Variants in CTSB observed in about 807,000 individuals in gnomAD.
The protein encoded by CTSB is APP secretase.
A neutral mutation model predicts 44.3 loss-of-function variants in CTSB; 57 were observed. The observed-to-expected ratio is 1.29, with a 90% CI of 1.04 to 1.60. The LOEUF is 1.60. CTSB is among the 40% of genes most tolerant of loss of function. The pLI, the probability that CTSB is intolerant of heterozygous loss-of-function variation, is 0.00. For missense variants in CTSB, 768 were observed against 443.0 expected, an observed-to-expected ratio of 1.73 and a Z score of -6.59; for synonymous variants, 320 against 168.0, an observed-to-expected ratio of 1.91 and a Z score of -7.00.
At chr8:11,866,124 A>G (rs74579126) in intron 1 of CTSB, among the ~76,000 whole-genome samples, 1,792 of 152,226 alleles carry the variant, frequency 0.012, 46 homozygotes, top group African/African-American at 0.041. Context: ...TCACTTCCCA[A>G]TCCAACCAAG....
intron 8 of CTSB, 22 bp from the exon 9 acceptor site, chr8:11,845,811 G>A (rs756248446): frequency 1.6e-5 from 25 of 1,598,062 alleles, no homozygotes; most frequent in South Asian, 1.4e-4. Flanking sequence ...AGAACTGGCT[G>A]AGACCGAGAC....
Position 11,842,631 on chromosome 8 carries a change from TTC to T in CTSB, c.*2492_*2493del, listed in dbSNP as rs1812447455. The T allele has an allele frequency of 1.3e-5, 2 of 152,000 alleles. No homozygotes were observed. The highest frequency in any genetic ancestry group is 6.6e-5 in the Admixed American group (1 of 15,256). The allele number at this position is 152,000 out of a possible 1,614,324, so 9.4% of individuals were successfully genotyped here. A position where few individuals can be genotyped will look rare whatever the true frequency, so the allele number is the denominator to read the frequency against. ...TTATGGTAACCTTTGTTAAGCATCT[TTC>T]TTTTTCTTTTTTTTTTTGGTGAGAC... On this transcript the variant is annotated 3_prime_UTR_variant, in exon 10 of 10. Transcript: ENST00000353047.
At chr8:11,862,339 G>C (rs1816559719) in intron 1 of CTSB, 1 of 152,142 alleles carries the variant, frequency 6.6e-6, no homozygotes, top group African/African-American at 2.4e-5. Context: ...TTTTGAAAGT[G>C]CCTACCCTGC....
intron 6 of CTSB, 102 bp downstream of exon 6, chr8:11,847,965 C>T (rs1813759064): frequency 2.3e-6 from 3 of 1,328,670 alleles, no homozygotes; most frequent in East Asian, 2.3e-5. Context: ...TCTCAGCAGC[C>T]CCTCTGTCTC....
intron 1 of CTSB, among the ~76,000 whole-genome samples, chr8:11,858,157 TG>T (rs1815828445): frequency 6.6e-6 from 1 of 152,218 alleles, no homozygotes; most frequent in Admixed American, 6.5e-5. Context: ...TGGCATGCAG[TG>T]ATAAGGTAGG....
chr8:11,862,698 C>T (rs886890072), intron 1 of CTSB, among the ~76,000 whole-genome samples: 4 of 152,236 alleles, frequency 2.6e-5, no homozygotes, highest in African/African-American at 9.6e-5. Context: ...GCACCGCCCT[C>T]CTGGGACTTG....
intron 1 of CTSB, among the ~76,000 whole-genome samples, chr8:11,866,742 C>T (rs1360673133): frequency 6.6e-6 from 1 of 152,182 alleles, no homozygotes; most frequent in African/African-American, 2.4e-5. Context: ...CACCTGTAAT[C>T]CCAGCTACTC....
chr8:11,855,430 G>T (rs1253611447), intron 1 of CTSB, among the ~76,000 whole-genome samples: 1 of 152,256 alleles, frequency 6.6e-6, no homozygotes, highest in East Asian at 1.9e-4. Flanking sequence ...GCCAAGGCAA[G>T]TGGATCACTT....
intron 8 of CTSB, 112 bp from the exon 9 acceptor site, chr8:11,845,901 G>T (rs936131731): frequency 5.3e-6 from 7 of 1,328,220 alleles, no homozygotes; most frequent in Non-Finnish European, 5.0e-6. Context: ...CTTCCAGAGG[G>T]AACCTGCTGC....
rs529471007 is a variant in CTSB at position 11,849,502 on chromosome 8, G to T, written c.328-338C>A. 7 of 181,308 alleles carry T rather than the reference G, an allele frequency of 3.9e-5. No individual in the cohort carries two copies. In the East Asian group the frequency reaches 6.6e-4, roughly 17 times the overall value. The allele number at this position is 181,308 out of a possible 1,614,324, so 11.2% of individuals were successfully genotyped here. On this transcript the variant is annotated intron_variant, in intron 4 of 9. Coordinates refer to ENST00000353047, the MANE Select transcript of CTSB (RefSeq NM_001908.5). ...CTTTTAAAGCAAGAGAAGCACCCCC[G>T]TGAACCTCTGCCTGGAAACTGGGTT...
chr8:11,856,499 G>A (rs910269572), intron 1 of CTSB, among the ~76,000 whole-genome samples: 2 of 152,160 alleles, frequency 1.3e-5, no homozygotes, highest in East Asian at 3.8e-4. Flanking sequence ...TGTAATCCCA[G>A]CTACTTGGGA....
rs1216172292 is a variant in CTSB at position 11,849,062 on chromosome 8, T to G, written c.430A>C (p.Ser144Arg). The G allele has an allele frequency of 5.6e-6, 9 of 1,613,064 alleles. No individual in the cohort carries two copies. The South Asian group carries it at 6.6e-5, about 12-fold the overall frequency. ...SAEDLLTCCGSMCGDGCNGGY... is the reference protein window; with the variant it reads ...SAEDLLTCCGRMCGDGCNGGY... Reference sequence around the variant, plus strand: ...CTGACTCACCCGTCCCCACACATGCTGCCACAGCATGTGAGCAGGTCCTCC... The same window carrying G: ...CTGACTCACCCGTCCCCACACATGCGGCCACAGCATGTGAGCAGGTCCTCC... Residue 144 changes from serine (S) to arginine (R), a missense_variant, in exon 5 of 10, where the codon AGC becomes CGC. Ser to Arg is a moderately radical substitution (Grantham distance 110). Coordinates refer to ENST00000353047, the MANE Select transcript of CTSB (RefSeq NM_001908.5).
intron 1 of CTSB, among the ~76,000 whole-genome samples, chr8:11,863,628 A>G (rs762532816): frequency 6.6e-6 from 1 of 152,220 alleles, no homozygotes; most frequent in Non-Finnish European, 1.5e-5. Context: ...AAAAACTCCC[A>G]CATGCTTAGC....
intron 8 of CTSB, chr8:11,846,118 G>C: frequency 5.7e-6 from 1 of 176,910 alleles, no homozygotes; most frequent in Middle Eastern, 2.5e-3. Flanking sequence ...TTTATACTGG[G>C]ATTCCATGTA....
At chr8:11,847,874 A>T in intron 6 of CTSB, 52 bp from the exon 7 acceptor site, 1 of 1,403,160 alleles carries the variant, frequency 7.1e-7, no homozygotes, top group Non-Finnish European at 9.3e-7. Flanking sequence ...CACGGAGAAG[A>T]CCTGGGGCAA....
chr8:11,848,371 A>G (rs577251890), intron 5 of CTSB: 9 of 664,670 alleles, frequency 1.4e-5, no homozygotes, highest in African/African-American at 3.5e-5. Context: ...GCCCACAAAG[A>G]TCCGGGAGAA....
chr8:11,864,414 C>G (rs970615856), intron 1 of CTSB: 2 of 150,360 alleles, frequency 1.3e-5, no homozygotes, highest in Non-Finnish European at 3.0e-5. Context: ...TCGCTTACAT[C>G]TGGGTGGCTG....
intron 4 of CTSB, 180 bp from the exon 5 acceptor site, chr8:11,849,344 C>T (rs1033632427): frequency 2.0e-6 from 1 of 499,508 alleles, no homozygotes; most frequent in Admixed American, 3.2e-5. Context: ...TGGGGTCTTG[C>T]TACGTTGGCC....
intron 1 of CTSB, among the ~76,000 whole-genome samples, chr8:11,858,489 T>C (rs1815883888): frequency 6.6e-6 from 1 of 152,060 alleles, no homozygotes; most frequent in Admixed American, 6.6e-5. Context: ...GGGGTTTTGC[T>C]ATGTTGCCCA....
Sources: allele counts gnomAD v4.1 joint callset (sites outside exome capture counted in the v4.1 genomes callset), GRCh38; gene constraint gnomAD v4.1.1; transcripts MANE v1.5; gene names NCBI Gene and HGNC (gene_info 2026-07-23, HGNC 2026-07-21).